The following AFF3 variants were observed in gnomAD, a reference collection of about 807,000 sequenced individuals.
The protein encoded by AFF3 is AF4/FMR2 family member 3.
Under a neutral mutation model 129.7 loss-of-function variants are expected in AFF3, and 32 were observed. The observed-to-expected ratio is 0.25, with a 90% CI of 0.19 to 0.33. AFF3 has a LOEUF of 0.33. Among genes scored for constraint, AFF3 ranks in the 10% least tolerant of loss-of-function variants. The pLI, the probability that AFF3 is intolerant of heterozygous loss-of-function variation, is 1.00. For synonymous variants in AFF3, 644 were observed against 635.4 expected, an observed-to-expected ratio of 1.01 and a Z score of -0.20; for missense variants, 1,373 against 1,592.0, an observed-to-expected ratio of 0.86 and a Z score of 2.34.
intron 8 of AFF3, among the ~76,000 whole-genome samples, chr2:99,763,066 G>T (rs1366094121): frequency 6.6e-6 from 1 of 152,212 alleles, no homozygotes; most frequent in African/African-American, 2.4e-5. Flanking sequence ...ACACCCCTAC[G>T]GGCCTGTACC....
At chr2:99,796,001 G>T (rs1685536987) in intron 8 of AFF3, among the ~76,000 whole-genome samples, 1 of 152,146 alleles carries the variant, frequency 6.6e-6, no homozygotes, top group Non-Finnish European at 1.5e-5. Flanking sequence ...CAATTTAGAA[G>T]ATTGTTTAGT....
chr2:99,913,683 T>C (rs1177880345), intron 7 of AFF3, among the ~76,000 whole-genome samples: 1 of 152,118 alleles, frequency 6.6e-6, no homozygotes, highest in African/African-American at 2.4e-5. Context: ...TGATTCTAGG[T>C]TGGGGTTGTA....
intron 8 of AFF3, among the ~76,000 whole-genome samples, chr2:99,821,697 T>C (rs1281704924): frequency 1.3e-5 from 2 of 152,224 alleles, no homozygotes; most frequent in Admixed American, 1.3e-4. Context: ...GCTGGGCTTT[T>C]ATCCGACTGG....
In AFF3 at chr2:99,796,014, C is replaced by T. The variant is rs371842927; in HGVS notation, c.921+41463G>A. Among the ~76,000 whole-genome samples the T allele has an allele frequency of 2.6e-4, 40 of 152,220 alleles. 1 individual carries two copies. Among genetic ancestry groups the T allele is most frequent in the South Asian group, 1.7e-3 (8 of 4,814 alleles). On this transcript the variant is annotated intron_variant, in intron 8 of 24. Transcript: ENST00000672756. ...GGCAATTTAGAAGATTGTTTAGTAT[C>T]TATATTCTTATTTAACAGCAGCCTT...
rs1185084808 is a variant in AFF3, at chr2:99,648,885, G to GCA, written c.1184+739_1184+740dup. On this transcript the variant is annotated intron_variant, in intron 13 of 24. Coordinates refer to ENST00000672756, the MANE Select transcript of AFF3 (RefSeq NM_001386135.1). ...CCTGACAGTTCCTCAAAACACGCGC[G>GCA]CACACACACACACACACACACACAC... 7.4e-3 allele frequency among the ~76,000 whole-genome samples: 699 copies of GCA among 93,832 alleles called. 7 individuals are homozygous for GCA. The highest frequency in any genetic ancestry group is 0.014 in the African/African-American group (351 of 25,740). 61.6% of individuals were successfully genotyped at this position (93,832 alleles called of 152,430 possible).
chr2:99,750,095 C>CT (rs1681505010), intron 9 of AFF3, among the ~76,000 whole-genome samples: 1 of 152,056 alleles, frequency 6.6e-6, no homozygotes, highest in African/African-American at 2.4e-5. Flanking sequence ...TCTTTTTTCT[C>CT]TGACATAAAA....
intron 13 of AFF3, among the ~76,000 whole-genome samples, chr2:99,620,160 G>A (rs1332967764): frequency 6.6e-6 from 1 of 152,180 alleles, no homozygotes; most frequent in African/African-American, 2.4e-5. Context: ...TCCCAACTGA[G>A]ACTCCGGGAG....
intron 7 of AFF3, among the ~76,000 whole-genome samples, chr2:99,896,068 C>CAAA (rs58471464): frequency 6.3e-5 from 4 of 63,066 alleles, no homozygotes; most frequent in East Asian, 6.4e-4. Context: ...GACTCCTTCT[C>CAAA]AAAAAAAAAA....
At chr2:99,663,768 T>C (rs933467311) in intron 12 of AFF3, among the ~76,000 whole-genome samples, 2 of 152,240 alleles carry the variant, frequency 1.3e-5, no homozygotes, top group African/African-American at 2.4e-5. Context: ...TGCAGGCATG[T>C]ACATAGCCAT....
intron 7 of AFF3, among the ~76,000 whole-genome samples, chr2:99,879,735 T>C (rs1190695125): frequency 1.3e-5 from 2 of 152,330 alleles, no homozygotes; most frequent in Middle Eastern, 3.4e-3. Flanking sequence ...CCAAGGACCA[T>C]ATCTGTGCTC....
chr2:99,875,403 C>A (rs927690831), intron 7 of AFF3, among the ~76,000 whole-genome samples: 3 of 152,226 alleles, frequency 2.0e-5, no homozygotes, highest in African/African-American at 7.2e-5. Context: ...ATAACCACTT[C>A]TATTTTATTT....
intron 4 of AFF3, among the ~76,000 whole-genome samples, chr2:100,041,192 T>C (rs886625496): frequency 7.2e-5 from 11 of 152,202 alleles, no homozygotes; most frequent in African/African-American, 4.8e-5. Context: ...ATGGGCCTCA[T>C]TGCAAAGGCA....
intron 7 of AFF3, among the ~76,000 whole-genome samples, chr2:99,953,533 T>C (rs1676356952): frequency 6.6e-6 from 1 of 152,224 alleles, no homozygotes; most frequent in Non-Finnish European, 1.5e-5. Flanking sequence ...TCCTTCTATG[T>C]CCAAACTACA....
chr2:99,675,028 C>T (rs1426999679), intron 11 of AFF3, among the ~76,000 whole-genome samples: 1 of 152,224 alleles, frequency 6.6e-6, no homozygotes, highest in Non-Finnish European at 1.5e-5. Context: ...ACCTCTGGGG[C>T]TGAGCATTTG....
At chr2:99,779,074 G>A (rs187678654) in intron 8 of AFF3, among the ~76,000 whole-genome samples, 421 of 152,218 alleles carry the variant, frequency 2.8e-3, no homozygotes, top group Non-Finnish European at 3.4e-3. Flanking sequence ...AATACTGACT[G>A]GAAGTAGTGA....
Position 100,129,322 on chromosome 2 carries a change from G to T in AFF3, c.-227-16C>A, listed in dbSNP as rs909112918. The T allele has an allele frequency of 6.6e-6, 1 of 151,826 alleles. No homozygotes were observed. Among genetic ancestry groups the T allele is most frequent in the African/African-American group, 2.4e-5 (1 of 41,338 alleles). The allele number at this position is 151,826 out of a possible 1,614,324, so 9.4% of individuals were successfully genotyped here. ...GTGAAACTTTCTGCAAAACAAAAGC[G>T]ATTGGGTATTTAGGCAAAAACATCA... On this transcript the variant is annotated splice_polypyrimidine_tract_variant and intron_variant, in intron 1 of 24. Transcript: ENST00000672756.
intron 4 of AFF3, among the ~76,000 whole-genome samples, chr2:100,042,909 G>C (rs1344920282): frequency 1.3e-5 from 2 of 152,074 alleles, no homozygotes; most frequent in African/African-American, 2.4e-5. Flanking sequence ...TATTTTTAAA[G>C]ACCACTTGTC....
intron 8 of AFF3, among the ~76,000 whole-genome samples, chr2:99,753,399 C>T (rs986269309): frequency 6.6e-6 from 1 of 152,136 alleles, no homozygotes; most frequent in Non-Finnish European, 1.5e-5. Context: ...TGCGCCTGGC[C>T]GAACCCTATT....
chr2:99,997,249 G>A (rs935741533), intron 7 of AFF3, among the ~76,000 whole-genome samples: 3 of 152,164 alleles, frequency 2.0e-5, no homozygotes, highest in South Asian at 2.1e-4. Context: ...ATAAGCCCAA[G>A]TGAGTAAGTA....
Sources: allele counts gnomAD v4.1 joint callset (sites outside exome capture counted in the v4.1 genomes callset), GRCh38; gene constraint gnomAD v4.1.1; transcripts MANE v1.5; gene names NCBI Gene and HGNC (gene_info 2026-07-23, HGNC 2026-07-21).